Variants in TRPM3 observed in about 807,000 individuals in gnomAD.
The protein encoded by TRPM3 is long transient receptor potential channel 3.
TRPM3 carries 77 observed loss-of-function variants against 181.2 expected under a neutral mutation model. That is an observed-to-expected ratio of 0.42 (90% CI 0.35 to 0.51). The LOEUF (loss-of-function observed/expected upper bound fraction) is 0.51, where lower values mean the gene tolerates loss of function less well. Among genes scored for constraint, TRPM3 ranks in the 20% least tolerant of loss-of-function variants. The pLI is 0.01. For missense variants in TRPM3, 1,759 were observed against 2,196.7 expected (o/e 0.80, Z 3.98); for synonymous variants, 745 against 796.4 (o/e 0.94, Z 1.09).
At chr9:71,300,841 G>T (rs1428254846) in intron 1 of TRPM3, among the ~76,000 whole-genome samples, 1 of 151,972 alleles carries the variant, frequency 6.6e-6, no homozygotes, top group East Asian at 1.9e-4. Context: ...AAGATATATG[G>T]GATTTAGCAT....
At chr9:70,800,659 T>C (rs2088687922) in intron 6 of TRPM3, among the ~76,000 whole-genome samples, 1 of 152,234 alleles carries the variant, frequency 6.6e-6, no homozygotes, top group South Asian at 2.1e-4. Flanking sequence ...AGTAATATAT[T>C]TTCTTTTCCT....
intron 1 of TRPM3, among the ~76,000 whole-genome samples, chr9:71,423,597 A>T (rs1018937982): frequency 2.6e-5 from 4 of 152,130 alleles, no homozygotes; most frequent in Non-Finnish European, 5.9e-5. Context: ...GATGGAAAAC[A>T]ATATCTATAT....
At chr9:71,285,336 C>T (rs988192257) in intron 1 of TRPM3, among the ~76,000 whole-genome samples, 1 of 152,162 alleles carries the variant, frequency 6.6e-6, no homozygotes, top group Non-Finnish European at 1.5e-5. Context: ...ACTAGAGGGT[C>T]GTAGCTGCAC....
chr9:70,807,036 C>T (rs2090848367), intron 6 of TRPM3, among the ~76,000 whole-genome samples: 1 of 152,162 alleles, frequency 6.6e-6, no homozygotes, highest in African/African-American at 2.4e-5. Context: ...AAATATATCT[C>T]ACTATAAAAC....
chr9:70,638,994 G>C, intron 11 of TRPM3, 66 bp downstream of exon 11: 1 of 1,554,688 alleles, frequency 6.4e-7, no homozygotes. Context: ...CAGGCATATG[G>C]GGGGCAGGAG....
At chr9:71,443,185 T>C (rs985319922) in intron 1 of TRPM3, among the ~76,000 whole-genome samples, 3 of 152,204 alleles carry the variant, frequency 2.0e-5, no homozygotes, top group African/African-American at 7.2e-5. Context: ...AATACCACTT[T>C]ACCGTATCGG....
intron 1 of TRPM3, among the ~76,000 whole-genome samples, chr9:71,399,949 T>A (rs190602973): frequency 6.6e-6 from 1 of 152,316 alleles, no homozygotes; most frequent in East Asian, 1.9e-4. Flanking sequence ...AAGATCAGGT[T>A]CTCTGGATCA....
At position 70,639,118 on chromosome 9, in the gene TRPM3, T is replaced by C. The variant is rs760816043; in HGVS notation, c.1523A>G (p.Asn508Ser). ...RVDFVKLLIE[N>S]GVSMHRFLTI... ...GAGAAAACGGTGCATGCTTACTCCA[T>C]TCTCTATGAGTAATTTCACAAAATC... The change falls in exon 11 of 26, where the codon AAT becomes AGT. Residue 508 changes from asparagine to serine, a missense_variant. Asn to Ser is a conservative substitution (Grantham distance 46). This residue lies in a region of TRPM3 where 737 missense variants were observed against 957.4 expected (regional missense o/e 0.77). Coordinates refer to ENST00000677713, the MANE Select transcript of TRPM3 (RefSeq NM_001366145.2). The C allele has an allele frequency of 1.2e-6, 2 of 1,614,014 alleles. No individual in the cohort carries two copies. The highest frequency in any genetic ancestry group is 1.6e-4 in the Middle Eastern group (1 of 6,062).
chr9:70,991,293 T>C (rs984177674), intron 1 of TRPM3, among the ~76,000 whole-genome samples: 2 of 152,170 alleles, frequency 1.3e-5, no homozygotes, highest in African/African-American at 4.8e-5. Flanking sequence ...GAGACAACAA[T>C]CCACAGTATA....
At chr9:71,169,790 G>A (rs1042372825) in intron 1 of TRPM3, among the ~76,000 whole-genome samples, 1 of 151,478 alleles carries the variant, frequency 6.6e-6, no homozygotes, top group African/African-American at 2.4e-5. Context: ...CCCCTTCTCG[G>A]TTTAGTATAA....
At position 70,746,389 on chromosome 9, in the gene TRPM3, G is replaced by C. The variant is rs73647139; in HGVS notation, c.1272+15212C>G. Among the ~76,000 whole-genome samples, 223 of 152,218 alleles carry C rather than the reference G, an allele frequency of 1.5e-3. 1 individual carries two copies. The highest frequency in any genetic ancestry group is 5.0e-3 in the African/African-American group (209 of 41,532). On this transcript the variant is annotated intron_variant, in intron 8 of 25. Transcript: ENST00000677713. ...TCAGTTTCCTAAATGTGGAAAGAGA[G>C]TTGTCATTGGATGCCAACATCAGCT...
At chr9:71,348,558 ATTTAT>A (rs1162696202) in intron 1 of TRPM3, among the ~76,000 whole-genome samples, 1 of 148,916 alleles carries the variant, frequency 6.7e-6, no homozygotes, top group Non-Finnish European at 1.5e-5. Context: ...TTATATATTT[ATTTAT>A]TTATTTATTT....
intron 1 of TRPM3, among the ~76,000 whole-genome samples, chr9:71,013,378 G>C (rs79825254): frequency 0.015 from 2,215 of 151,982 alleles, 39 homozygotes; most frequent in African/African-American, 0.051. Flanking sequence ...TATGAGACCA[G>C]GTTAATGCTT....
In TRPM3 at chr9:71,428,100, G is replaced by T. The variant is rs888944397; in HGVS notation, c.183+18553C>A. Among the ~76,000 whole-genome samples the T allele has an allele frequency of 2.5e-4, 38 of 150,996 alleles. 1 individual carries two copies. The highest frequency in any genetic ancestry group is 3.4e-4 in the African/African-American group (14 of 41,070). ...TTTTGTTGTTGTTGTTTGTTTTTTG[G>T]TTTTTTTTGAGACAGAGTTTCATTC... On this transcript the variant is annotated intron_variant, in intron 1 of 24. Coordinates refer to the TRPM3 transcript ENST00000357533.
At position 70,900,163 on chromosome 9, in the gene TRPM3, A is replaced by G. The variant is rs537725292; in HGVS notation, c.178-35652T>C. 7.2e-5 allele frequency among the ~76,000 whole-genome samples: 11 copies of G among 152,296 alleles called. No homozygotes were observed. The South Asian group carries it at 2.1e-3, about 29-fold the overall frequency. On this transcript the variant is annotated intron_variant, in intron 1 of 25. Transcript: ENST00000677713. ...TAGGGGACAAGAAATACATCTCTAG[A>G]AAATCAAGCAAATAAGGAACAGAAT...
chr9:70,690,348 T>TAAC (rs1450441855), intron 8 of TRPM3, among the ~76,000 whole-genome samples: 1 of 152,190 alleles, frequency 6.6e-6, no homozygotes, highest in Non-Finnish European at 1.5e-5. Flanking sequence ...ATAATCATGT[T>TAAC]AACAATAGGC....
At chr9:71,420,642 AGAG>A (rs2093715923) in intron 1 of TRPM3, among the ~76,000 whole-genome samples, 2 of 135,126 alleles carry the variant, frequency 1.5e-5, no homozygotes, top group Admixed American at 1.5e-4. Context: ...AGAAAAAGAG[AGAG>A]AAAGAGAAAG....
At chr9:71,026,942 C>CCTGCTG (rs1401711456) in intron 1 of TRPM3, among the ~76,000 whole-genome samples, 1 of 152,038 alleles carries the variant, frequency 6.6e-6, no homozygotes, top group Non-Finnish European at 1.5e-5. Flanking sequence ...CCTACAGCAC[C>CCTGCTG]CTGCTGCTGC....
In TRPM3 at chr9:70,826,775, T is replaced by C. The variant is rs1299999569; in HGVS notation, c.973+1072A>G. ...CTTTTGTTCTTTGGAACTGTAGACT[T>C]TGGAATTTCAATCAATTAGATCAAA... On this transcript the variant is annotated intron_variant, in intron 6 of 25. Coordinates refer to ENST00000677713, the MANE Select transcript of TRPM3 (RefSeq NM_001366145.2). 3.3e-5 allele frequency: 5 copies of C among 152,238 alleles called. No homozygotes were observed. In the East Asian group the frequency reaches 9.6e-4, roughly 29 times the overall value. The allele number at this position is 152,238 out of a possible 1,614,324, so 9.4% of individuals were successfully genotyped here.
Sources: allele counts gnomAD v4.1 joint callset (sites outside exome capture counted in the v4.1 genomes callset), GRCh38; gene constraint gnomAD v4.1.1; regional missense constraint gnomAD v4.1.1; transcripts MANE v1.5; gene names NCBI Gene and HGNC (gene_info 2026-07-23, HGNC 2026-07-21).